Variants in SENP7 observed in about 807,000 individuals in gnomAD.
SENP7 encodes the protein SUMO specific peptidase 7.
SENP7 carries 64 observed loss-of-function variants against 141.2 expected under a neutral mutation model. The observed-to-expected ratio is 0.45, with a 90% CI of 0.37 to 0.56. The LOEUF is 0.56. SENP7 is among the 20% of genes least tolerant of loss of function. The pLI, the probability that SENP7 is intolerant of heterozygous loss-of-function variation, is 0.00. For missense variants in SENP7, 1,025 were observed against 1,212.2 expected (o/e 0.85, Z 2.29); for synonymous variants, 382 against 426.4 (o/e 0.90, Z 1.28).
Position 101,379,555 on chromosome 3 carries a change from T to C in SENP7, c.678-7429A>G, listed in dbSNP as rs578085542. Among the ~76,000 whole-genome samples, 24 of 152,136 alleles carry C rather than the reference T, an allele frequency of 1.6e-4. No homozygotes were observed. In the South Asian group the frequency reaches 5.0e-3, roughly 32 times the overall value. Reference sequence around the variant, plus strand: ...TAAACATTTCTCTAAAGAAGACATATAAATGGCCAACAACACGAAAAGATG... The same window carrying C: ...TAAACATTTCTCTAAAGAAGACATACAAATGGCCAACAACACGAAAAGATG... On this transcript the variant is annotated intron_variant, in intron 6 of 23. Transcript: ENST00000394095.
In SENP7 at chr3:101,366,778, A is replaced by G; in HGVS notation, c.979-9T>C. The stretch of plus-strand genomic sequence containing the variant: ...TCATCTTCTTGTTTTTTCTAAACAT[A>G]AACACATAGAAAAAAATAGCATTTT... On this transcript the variant is annotated splice_polypyrimidine_tract_variant and intron_variant, in intron 8 of 23. Transcript: ENST00000394095. 6.6e-7 allele frequency: 1 copy of G among 1,523,420 alleles called. No homozygotes were observed. The highest frequency in any genetic ancestry group is 8.8e-7 in the Non-Finnish European group (1 of 1,132,176). The allele number at this position is 1,523,420 out of a possible 1,614,324, so 94.4% of individuals were successfully genotyped here. A position where few individuals can be genotyped will look rare whatever the true frequency, so the allele number is the denominator to read the frequency against.
chr3:101,443,983 A>C (rs977906838), intron 4 of SENP7, among the ~76,000 whole-genome samples: 102 of 149,614 alleles, frequency 6.8e-4, no homozygotes, highest in Non-Finnish European at 7.4e-4. Context: ...AATTTTTGCA[A>C]CCTACTCATC....
chr3:101,454,249 C>T (rs1015180990), intron 4 of SENP7, among the ~76,000 whole-genome samples: 5 of 152,206 alleles, frequency 3.3e-5, no homozygotes, highest in East Asian at 1.9e-4. Context: ...CAGTGGCTCA[C>T]GCCTGTAATC....
chr3:101,484,803 G>A (rs2064656980), intron 3 of SENP7, among the ~76,000 whole-genome samples: 2 of 152,132 alleles, frequency 1.3e-5, no homozygotes, highest in African/African-American at 4.8e-5. Context: ...CAGAGGAGCA[G>A]GGGTATAACT....
chr3:101,423,031 T>C (rs1483985816), intron 4 of SENP7, among the ~76,000 whole-genome samples: 1 of 152,088 alleles, frequency 6.6e-6, no homozygotes, highest in Non-Finnish European at 1.5e-5. Flanking sequence ...GAAAATAAAC[T>C]AACAATTGGG....
At chr3:101,343,211 T>G (rs556156081) in intron 14 of SENP7, among the ~76,000 whole-genome samples, 9 of 152,212 alleles carry the variant, frequency 5.9e-5, no homozygotes, top group Non-Finnish European at 1.2e-4. Context: ...ACCACTTTTC[T>G]TTTTGTAAAT....
At chr3:101,378,817 C>A (rs1188761945) in intron 6 of SENP7, among the ~76,000 whole-genome samples, 2 of 151,892 alleles carry the variant, frequency 1.3e-5, no homozygotes, top group African/African-American at 4.8e-5. Flanking sequence ...AAAAAATAAG[C>A]CCTTAACTAT....
chr3:101,513,022 G>C lies in SENP7; in HGVS notation c.40+69C>G, dbSNP rs976010045. ...GCGGCTTCGGGCCGCAACCCCAGCT[G>C]CCGCCTGCGCCTCCCGTTTCCCCCG... On this transcript the variant is annotated intron_variant, in intron 1 of 23. Coordinates refer to ENST00000394095, the MANE Select transcript of SENP7 (RefSeq NM_020654.5). 2.7e-6 allele frequency: 4 copies of C among 1,475,672 alleles called. No individual in the cohort carries two copies. The African/African-American group carries it at 5.8e-5, about 21-fold the overall frequency. The allele number at this position is 1,475,672 out of a possible 1,614,324, so 91.4% of individuals were successfully genotyped here. A position where few individuals can be genotyped will look rare whatever the true frequency, so the allele number is the denominator to read the frequency against.
intron 4 of SENP7, among the ~76,000 whole-genome samples, chr3:101,425,245 T>G (rs2061922927): frequency 6.6e-6 from 1 of 152,214 alleles, no homozygotes; most frequent in African/African-American, 2.4e-5. Context: ...ATGCTTTAGC[T>G]GACACCACCC....
At chr3:101,390,638 C>G (rs2060792358) in intron 6 of SENP7, among the ~76,000 whole-genome samples, 1 of 151,986 alleles carries the variant, frequency 6.6e-6, no homozygotes, top group South Asian at 2.1e-4. Context: ...AGACAGACTC[C>G]AATACAAAAA....
chr3:101,482,881 A>G (rs570068250), intron 3 of SENP7, among the ~76,000 whole-genome samples: 14 of 152,324 alleles, frequency 9.2e-5, no homozygotes, highest in Admixed American at 3.3e-4. Flanking sequence ...AATCCATATC[A>G]AAACCACAAG....
At chr3:101,428,806 T>C (rs1434125369) in intron 4 of SENP7, among the ~76,000 whole-genome samples, 1 of 152,242 alleles carries the variant, frequency 6.6e-6, no homozygotes, top group African/African-American at 2.4e-5. Flanking sequence ...GGTTTTCTTC[T>C]AGGGTTTTTA....
chr3:101,388,568 T>C (rs2060724139), intron 6 of SENP7, among the ~76,000 whole-genome samples: 1 of 152,084 alleles, frequency 6.6e-6, no homozygotes, highest in African/African-American at 2.4e-5. Context: ...GATATCAATG[T>C]AAGAACATAA....
At chr3:101,450,229 A>G (rs2107822685) in intron 4 of SENP7, among the ~76,000 whole-genome samples, 1 of 152,354 alleles carries the variant, frequency 6.6e-6, no homozygotes, top group East Asian at 1.9e-4. Context: ...TTAGAGACCT[A>G]GAAAGAGAGT....
chr3:101,388,170 C>T (rs1295026374), intron 6 of SENP7, among the ~76,000 whole-genome samples: 2 of 152,222 alleles, frequency 1.3e-5, no homozygotes, highest in African/African-American at 4.8e-5. Context: ...AGCAAGCCCA[C>T]CTGAAGGCCC....
chr3:101,493,778 G>T, intron 3 of SENP7, 95 bp downstream of exon 3: 1 of 699,352 alleles, frequency 1.4e-6, no homozygotes, highest in Non-Finnish European at 2.3e-6. Context: ...ACCAAAAAAG[G>T]GACATATCAG....
chr3:101,403,673 T>C (rs944728825), intron 5 of SENP7, among the ~76,000 whole-genome samples: 6 of 152,164 alleles, frequency 3.9e-5, no homozygotes, highest in Admixed American at 3.3e-4. Context: ...GAAAACCCGA[T>C]AGTCTCAGCA....
chr3:101,343,620 A>G, intron 14 of SENP7, 66 bp downstream of exon 14: 6 of 1,488,238 alleles, frequency 4.0e-6, no homozygotes, highest in Non-Finnish European at 4.5e-6. Context: ...AAGCAGCCTA[A>G]TATCAATGAA....
chr3:101,490,542 A>G (rs2108089691), intron 3 of SENP7, among the ~76,000 whole-genome samples: 1 of 152,264 alleles, frequency 6.6e-6, no homozygotes, highest in East Asian at 1.9e-4. Flanking sequence ...AAAAAGAAAA[A>G]TGAATTAATT....
Sources: allele counts gnomAD v4.1 joint callset (sites outside exome capture counted in the v4.1 genomes callset), GRCh38; gene constraint gnomAD v4.1.1; transcripts MANE v1.5; gene names NCBI Gene and HGNC (gene_info 2026-07-23, HGNC 2026-07-21).